The following DMD variants were observed in gnomAD, a reference collection of about 807,000 sequenced individuals.
DMD encodes dystrophin, also known as mutant dystrophin.
DMD carries 63 observed loss-of-function variants against 330.1 expected under a neutral mutation model. That is an observed-to-expected ratio of 0.19 (90% confidence interval 0.16 to 0.24). The LOEUF (loss-of-function observed/expected upper bound fraction) is 0.24. DMD is among the 10% of genes least tolerant of loss of function. DMD has a pLI of 1.00. For missense variants in DMD, 3,344 were observed against 2,684.1 expected (o/e 1.25, Z -5.43); for synonymous variants, 1,223 against 959.8 (o/e 1.27, Z -5.07).
At chrX:32,338,645 T>C (rs1569558701) in intron 41 of DMD, among the ~76,000 whole-genome samples, 2 of 111,906 alleles carry the variant, frequency 1.8e-5, no homozygotes, top group East Asian at 5.6e-4. Flanking sequence ...CTTATAATTT[T>C]TTTCCACAAT....
chrX:32,387,105 T>G (rs1211551057), intron 32 of DMD, among the ~76,000 whole-genome samples: 1 of 111,137 alleles, frequency 9.0e-6, no homozygotes, highest in Non-Finnish European at 1.9e-5. Context: ...GAAAACCAGA[T>G]ATAAAAATAT....
At chrX:32,788,840 G>C (rs2075609569) in intron 7 of DMD, among the ~76,000 whole-genome samples, 1 of 111,830 alleles carries the variant, frequency 8.9e-6, no homozygotes, top group Non-Finnish European at 1.9e-5. Context: ...TTAGCCCTTA[G>C]TTATTATTAA....
At chrX:32,970,749 GA>G (rs1303367535) in intron 2 of DMD, among the ~76,000 whole-genome samples, 2 of 93,706 alleles carry the variant, frequency 2.1e-5, no homozygotes, top group African/African-American at 9.6e-5. Context: ...TCTTAACACT[GA>G]AAAGTCTTAA....
intron 18 of DMD, among the ~76,000 whole-genome samples, chrX:32,506,853 T>C (rs1051222898): frequency 8.9e-6 from 1 of 111,893 alleles, no homozygotes; most frequent in African/African-American, 3.2e-5. Flanking sequence ...CAATCATGGA[T>C]GGTTCTAATT....
chrX:32,639,592 G>T (rs2059320253), intron 11 of DMD, among the ~76,000 whole-genome samples: 1 of 112,016 alleles, frequency 8.9e-6, no homozygotes, highest in African/African-American at 3.2e-5. Flanking sequence ...TATTGTATTA[G>T]CTTTTACCTC....
intron 1 of DMD, among the ~76,000 whole-genome samples, chrX:33,111,946 T>A (rs1410382714): frequency 9.0e-6 from 1 of 111,497 alleles, no homozygotes; most frequent in Admixed American, 9.6e-5. Flanking sequence ...AACAACCATA[T>A]AACTATATTA....
chrX:32,267,365 GC>G (rs2097348849), intron 43 of DMD, among the ~76,000 whole-genome samples: 1 of 111,933 alleles, frequency 8.9e-6, no homozygotes, highest in Admixed American at 9.5e-5. Flanking sequence ...TTTTCATGTG[GC>G]AAAGAATTCT....
intron 52 of DMD, among the ~76,000 whole-genome samples, chrX:31,693,543 T>G (rs1438322058): frequency 8.9e-6 from 1 of 112,004 alleles, no homozygotes; most frequent in Non-Finnish European, 1.9e-5. Context: ...CACTGAAAAC[T>G]GTTAGAATTC....
intron 2 of DMD, among the ~76,000 whole-genome samples, chrX:32,988,614 T>C (rs1386367107): frequency 1.8e-5 from 2 of 112,185 alleles, no homozygotes; most frequent in Non-Finnish European, 3.8e-5. Flanking sequence ...GCATGAGATA[T>C]TGATGTCTTT....
chrX:32,677,972 A>T (rs2062088414), intron 9 of DMD, among the ~76,000 whole-genome samples: 1 of 112,138 alleles, frequency 8.9e-6, no homozygotes, highest in Admixed American at 9.5e-5. Context: ...TGAACCTTGA[A>T]GGTATATTGT....
chrX:32,012,576 T>G (rs1426414661), intron 44 of DMD, among the ~76,000 whole-genome samples: 1 of 112,003 alleles, frequency 8.9e-6, no homozygotes, highest in Admixed American at 9.5e-5. Context: ...GTATCTATTC[T>G]GAAATTCTTG....
intron 41 of DMD, among the ~76,000 whole-genome samples, chrX:32,332,090 T>C (rs1415723910): frequency 8.9e-6 from 1 of 111,854 alleles, no homozygotes; most frequent in Non-Finnish European, 1.9e-5. Flanking sequence ...ATTTAATGAT[T>C]AGTATAAAAT....
chrX:33,126,175 C>T (rs1457913204), intron 1 of DMD, among the ~76,000 whole-genome samples: 1 of 111,734 alleles, frequency 8.9e-6, no homozygotes, highest in Admixed American at 9.5e-5. Flanking sequence ...AATTTCCTAA[C>T]ATAGATATTT....
At chrX:31,134,979 G>A (rs1015041942) in intron 76 of DMD, among the ~76,000 whole-genome samples, 3 of 111,145 alleles carry the variant, frequency 2.7e-5, no homozygotes, top group African/African-American at 9.8e-5. Context: ...TTTGCTGCCA[G>A]GAATTTGAGA....
At chrX:33,013,563 C>T (rs896187718) in intron 2 of DMD, among the ~76,000 whole-genome samples, 1 of 111,857 alleles carries the variant, frequency 8.9e-6, no homozygotes, top group African/African-American at 3.2e-5. Flanking sequence ...CATTTTAGAT[C>T]TATGTAAAAC....
intron 18 of DMD, among the ~76,000 whole-genome samples, chrX:32,515,097 A>G (rs2045726698): frequency 8.9e-6 from 1 of 111,829 alleles, no homozygotes; most frequent in African/African-American, 3.3e-5. Context: ...GTGGGGGTAC[A>G]AAAGAGGGAT....
chrX:31,973,835 C>T (rs2095417102), intron 44 of DMD, among the ~76,000 whole-genome samples: 1 of 111,648 alleles, frequency 9.0e-6, no homozygotes, highest in Non-Finnish European at 1.9e-5. Flanking sequence ...TTAAGCATGA[C>T]CGAATGAGGG....
chrX:32,228,512 A>G (rs886279829), intron 43 of DMD, among the ~76,000 whole-genome samples: 1 of 111,854 alleles, frequency 8.9e-6, no homozygotes, highest in Non-Finnish European at 1.9e-5. Flanking sequence ...GCTATTAGTG[A>G]TCTGTAATGC....
chrX:31,176,233 C>T (rs189010187), intron 71 of DMD, among the ~76,000 whole-genome samples: 1 of 111,654 alleles, frequency 9.0e-6, no homozygotes, highest in Non-Finnish European at 1.9e-5. Flanking sequence ...AAAATTAAAA[C>T]TTCCCACTAT....
Sources: gnomAD v4.1 joint callset for allele counts (sites outside exome capture counted in the v4.1 genomes callset) on GRCh38, gnomAD v4.1.1 for gene constraint, MANE v1.5 for transcripts, NCBI Gene and HGNC (gene_info 2026-07-23, HGNC 2026-07-21) for gene names.